The following USP17L11 variants were observed in gnomAD, a reference collection of about 807,000 sequenced individuals.
USP17L11 encodes ubiquitin carboxyl-terminal hydrolase 17-like protein 11.
At position 9,215,804 on chromosome 4, in the gene USP17L11, CG is replaced by C; in HGVS notation, c.403del (p.Ala135ProfsTer38). 9.7e-6 allele frequency: 3 copies of C among 307,934 alleles called. No individual in the cohort carries two copies. The highest frequency in any genetic ancestry group is 1.1e-5 in the Non-Finnish European group (2 of 185,718). The allele number at this position is 307,934 out of a possible 1,614,324, so 19.1% of individuals were successfully genotyped here. On this transcript the variant is annotated frameshift_variant, in exon 1 of 1. Coordinates refer to ENST00000457736, the MANE Select transcript of USP17L11 (RefSeq NM_001256854.1). LOFTEE classifies it low-confidence loss of function (END_TRUNC). ...CTGTACGATGCAAGCTCACATCACA[CG>C]GGCCCTCCACAATCCTGGCCACGTC... ...MLCTMQAHIT[R>X]ALHNPGHVIQ...
Position 9,216,964 on chromosome 4 carries a change from AC to A in USP17L11, c.1561del (p.His521ThrfsTer?). 1 of 884 alleles carries A rather than the reference AC, an allele frequency of 1.1e-3. No homozygotes were observed. The highest frequency in any genetic ancestry group is 6.9e-3 in the African/African-American group (1 of 144). The allele number at this position is 884 out of a possible 1,614,324, so 0.1% of individuals were successfully genotyped here. A position where few individuals can be genotyped will look rare whatever the true frequency, so the allele number is the denominator to read the frequency against. Reference sequence around the variant, plus strand: ...CCAGGAGATCCAAAGGGAAGAACAAACACAGCAAGAGGGCTCTGCTTGTGTG... The same window carrying A: ...CCAGGAGATCCAAAGGGAAGAACAAAACAGCAAGAGGGCTCTGCTTGTGTG... ...RARRSKGKNK[H>X]SKRALLVCQ On this transcript the variant is annotated frameshift_variant, in exon 1 of 1. Transcript: ENST00000457736. LOFTEE classifies it low-confidence loss of function (END_TRUNC).
Position 9,215,451 on chromosome 4 carries a change from A to T in USP17L11, c.47A>T (p.His16Leu), listed in dbSNP as rs1553866987. Reference sequence around the variant, plus strand: ...TTGGGAGGTGAGTGGCAGTTCAACCACTTTTCAAAACTCACATCTTCTCGG... The same window carrying T: ...TTGGGAGGTGAGTGGCAGTTCAACCTCTTTTCAAAACTCACATCTTCTCGG... ...LYLGGEWQFN[H>L]FSKLTSSRPD... The change falls in exon 1 of 1, where the codon CAC becomes CTC. Residue 16 changes from histidine to leucine, a missense_variant. Transcript: ENST00000457736. 1 of 468,780 alleles carries T rather than the reference A, an allele frequency of 2.1e-6. No individual in the cohort carries two copies. Among genetic ancestry groups the T allele is most frequent in the African/African-American group, 4.1e-5 (1 of 24,502 alleles). The allele number at this position is 468,780 out of a possible 1,614,324, so 29.0% of individuals were successfully genotyped here. A position where few individuals can be genotyped will look rare whatever the true frequency, so the allele number is the denominator to read the frequency against.
At position 9,215,825 on chromosome 4, in the gene USP17L11, CA is replaced by C; in HGVS notation, c.422del (p.His141ProfsTer32). ...CACACGGGCCCTCCACAATCCTGGCCACGTCATCCAGCCCTCACAGGCATTG... is the reference window on the plus strand; with the variant it reads ...CACACGGGCCCTCCACAATCCTGGCCCGTCATCCAGCCCTCACAGGCATTG... ...HITRALHNPGHVIQPSQALAA... is the reference protein window; with the variant it reads ...HITRALHNPGXVIQPSQALAA... On this transcript the variant is annotated frameshift_variant, in exon 1 of 1. Transcript: ENST00000457736. LOFTEE classifies it low-confidence loss of function (END_TRUNC). The C allele has an allele frequency of 4.0e-6, 1 of 247,366 alleles. No individual in the cohort carries two copies. Among genetic ancestry groups the C allele is most frequent in the Non-Finnish European group, 6.7e-6 (1 of 149,358 alleles). The allele number at this position is 247,366 out of a possible 1,614,324, so 15.3% of individuals were successfully genotyped here.
At position 9,215,807 on chromosome 4, in the gene USP17L11, GC is replaced by G; in HGVS notation, c.406del (p.Leu136SerfsTer37). 1 of 299,476 alleles carries G rather than the reference GC, an allele frequency of 3.3e-6. No homozygotes were observed. Among genetic ancestry groups the G allele is most frequent in the Non-Finnish European group, 5.5e-6 (1 of 180,942 alleles). The allele number at this position is 299,476 out of a possible 1,614,324, so 18.6% of individuals were successfully genotyped here. On this transcript the variant is annotated frameshift_variant, in exon 1 of 1. Coordinates refer to ENST00000457736, the MANE Select transcript of USP17L11 (RefSeq NM_001256854.1). LOFTEE classifies it low-confidence loss of function (END_TRUNC). ...LCTMQAHITRALHNPGHVIQP... is the reference protein window; with the variant it reads ...LCTMQAHITRXLHNPGHVIQP... ...TACGATGCAAGCTCACATCACACGG[GC>G]CCTCCACAATCCTGGCCACGTCATC...
chr4:9,215,962 C>T lies in USP17L11; in HGVS notation c.558C>T (p.His186=). The stretch of plus-strand genomic sequence containing the variant: ...CCGGGCACAAGCAGGTGGATCATCA[C>T]TCTAAGGACACCACCCTCATCCACC... ...CLPGHKQVDH[H]SKDTTLIHQI... The change falls in exon 1 of 1, where the codon CAC becomes CAT. Residue 186 remains histidine (H), a synonymous_variant. Coordinates refer to ENST00000457736, the MANE Select transcript of USP17L11 (RefSeq NM_001256854.1). 1 of 7,700 alleles carries T rather than the reference C, an allele frequency of 1.3e-4. No homozygotes were observed. The highest frequency in any genetic ancestry group is 2.5e-4 in the Non-Finnish European group (1 of 4,054). The allele number at this position is 7,700 out of a possible 1,614,324, so 0.5% of individuals were successfully genotyped here. A position where few individuals can be genotyped will look rare whatever the true frequency, so the allele number is the denominator to read the frequency against.
chr4:9,215,735 CG>C lies in USP17L11; in HGVS notation c.334del (p.Glu112SerfsTer61), dbSNP rs1714011099. On this transcript the variant is annotated frameshift_variant, in exon 1 of 1. Transcript: ENST00000457736. LOFTEE classifies it low-confidence loss of function (END_TRUNC). Reference protein sequence around the residue: ...TPPLANYMLSREHSQTCHRHK... With the variant: ...TPPLANYMLSXEHSQTCHRHK... ...GCCCCTTGCCAACTACATGCTGTCC[CG>C]GGAGCACTCTCAAACGTGTCATCGT... 1 of 390,790 alleles carries C rather than the reference CG, an allele frequency of 2.6e-6. No individual in the cohort carries two copies. Among genetic ancestry groups the C allele is most frequent in the Admixed American group, 5.8e-5 (1 of 17,160 alleles). 24.2% of individuals were successfully genotyped at this position (390,790 alleles called of 1,614,324 possible).
Sources: allele counts gnomAD v4.1 joint callset, GRCh38; gene constraint gnomAD v4.1.1; transcripts MANE v1.5; gene names NCBI Gene and HGNC (gene_info 2026-07-23, HGNC 2026-07-21).